STON2: variants seen among roughly 807,000 people sequenced by gnomAD.
The protein encoded by STON2 is stonin 2, also known as stonin-2.
Under a neutral mutation model 65.7 loss-of-function variants are expected in STON2, and 29 were observed. That is an observed-to-expected ratio of 0.44 (90% CI 0.33 to 0.60). The LOEUF is 0.60. Ranked by LOEUF, STON2 falls within the 20% of genes least tolerant of loss-of-function variation. The pLI, the probability that STON2 is intolerant of heterozygous loss-of-function variation, is 0.03. For synonymous variants in STON2, 404 were observed against 414.2 expected (o/e 0.98, Z 0.30); for missense variants, 1,054 against 1,118.1 (o/e 0.94, Z 0.82).
At chr14:81,316,804 A>ACGT (rs1595343171) in intron 5 of STON2, among the ~76,000 whole-genome samples, 1 of 152,282 alleles carries the variant, frequency 6.6e-6, no homozygotes, top group East Asian at 1.9e-4. Flanking sequence ...GTGGATCACG[A>ACGT]GGTCAAGAGA....
upstream of STON2, among the ~76,000 whole-genome samples, chr14:81,404,292 G>T (rs1900743894): frequency 6.6e-6 from 1 of 152,122 alleles, no homozygotes; most frequent in Non-Finnish European, 1.5e-5. Flanking sequence ...TGAATGAGTT[G>T]TTCCTTAAGT....
chr14:81,382,951 T>C (rs187648895), intron 3 of STON2, among the ~76,000 whole-genome samples: 41 of 152,312 alleles, frequency 2.7e-4, no homozygotes, highest in Non-Finnish European at 5.3e-4. Flanking sequence ...AAATCTCCGA[T>C]AAGTTATTTT....
chr14:81,395,633 T>C, intron 3 of STON2: 2 of 447,752 alleles, frequency 4.5e-6, no homozygotes, highest in Non-Finnish European at 8.0e-6. Context: ...TATGCATTAT[T>C]TTAAAGACAA....
upstream of STON2, among the ~76,000 whole-genome samples, chr14:81,401,035 C>G (rs536056868): frequency 6.6e-6 from 1 of 152,192 alleles, no homozygotes; most frequent in Non-Finnish European, 1.5e-5. Flanking sequence ...TGTTAGCCAT[C>G]GCCAGCACTG....
chr14:81,378,201 T>C (rs1202770258), intron 3 of STON2, among the ~76,000 whole-genome samples: 1 of 151,946 alleles, frequency 6.6e-6, no homozygotes, highest in African/African-American at 2.4e-5. Flanking sequence ...TTTTTCTATA[T>C]ATTCTAGATA....
chr14:81,319,580 G>A (rs1896748797), intron 5 of STON2, among the ~76,000 whole-genome samples: 1 of 152,182 alleles, frequency 6.6e-6, no homozygotes, highest in South Asian at 2.1e-4. Context: ...AACCACCTGA[G>A]TGTTATTTGT....
At chr14:81,374,470 CAA>C (rs1420174809) in intron 3 of STON2, among the ~76,000 whole-genome samples, 1 of 152,004 alleles carries the variant, frequency 6.6e-6, no homozygotes, top group African/African-American at 2.4e-5. Flanking sequence ...CAAGAACCAG[CAA>C]AGTGTGTGGG....
intron 4 of STON2, among the ~76,000 whole-genome samples, chr14:81,353,040 T>C (rs949394647): frequency 1.3e-5 from 2 of 152,192 alleles, no homozygotes; most frequent in Admixed American, 6.5e-5. Context: ...AAAGAATGTA[T>C]AGGACAGTAA....
chr14:81,317,357 T>C (rs1428309246), intron 5 of STON2, among the ~76,000 whole-genome samples: 2 of 152,152 alleles, frequency 1.3e-5, no homozygotes, highest in Non-Finnish European at 2.9e-5. Context: ...AACATGAGAA[T>C]TGGAGGGGAC....
chr14:81,264,034 G>A lies in STON2; in HGVS notation c.*4380C>T. 2.0e-6 allele frequency: 2 copies of A among 985,434 alleles called. No homozygotes were observed. The highest frequency in any genetic ancestry group is 2.4e-6 in the Non-Finnish European group (2 of 829,942). 61.0% of individuals were successfully genotyped at this position (985,434 alleles called of 1,614,324 possible). A position where few individuals can be genotyped will look rare whatever the true frequency, so the allele number is the denominator to read the frequency against. ...AACAAAGACCTACTGCATGAAGACT[G>A]GTTGTGCACTCTATCAAATGCTTTC... On this transcript the variant is annotated 3_prime_UTR_variant, in exon 8 of 8. Transcript: ENST00000614646.
rs1895858499 is a variant in STON2, at chr14:81,298,624, G to A, written c.743-19885C>T. On this transcript the variant is annotated intron_variant, in intron 5 of 7. Transcript: ENST00000614646. Reference sequence around the variant, plus strand: ...AAGTTCCCAAGGAAGAGAAACTACAGAAAAGCATGTTGAACAGAACCATGC... The same window carrying A: ...AAGTTCCCAAGGAAGAGAAACTACAAAAAAGCATGTTGAACAGAACCATGC... 2.0e-5 allele frequency among the ~76,000 whole-genome samples: 3 copies of A among 152,176 alleles called. No homozygotes were observed. The South Asian group carries it at 6.2e-4, about 32-fold the overall frequency.
chr14:81,415,666 C>G (rs112215104), intron 2 of STON2, among the ~76,000 whole-genome samples: 1 of 61,942 alleles, frequency 1.6e-5, no homozygotes, highest in African/African-American at 1.0e-4. Flanking sequence ...GAGACTCCAT[C>G]GCAAAAAAAA....
chr14:81,326,903 T>A (rs1305492887), intron 4 of STON2, among the ~76,000 whole-genome samples: 1 of 152,206 alleles, frequency 6.6e-6, no homozygotes, highest in Non-Finnish European at 1.5e-5. Flanking sequence ...TTTGACCTAA[T>A]CCTCCTGCAC....
intron 2 of STON2, among the ~76,000 whole-genome samples, chr14:81,423,651 C>T (rs769638448): frequency 2.0e-5 from 3 of 152,160 alleles, no homozygotes; most frequent in East Asian, 1.9e-4. Flanking sequence ...ACAAAACAGA[C>T]GCATGGGCAT....
chr14:81,322,848 G>C (rs182602404), intron 5 of STON2, among the ~76,000 whole-genome samples: 76 of 152,296 alleles, frequency 5.0e-4, no homozygotes, highest in Non-Finnish European at 1.9e-4. Flanking sequence ...GTTAAGCATA[G>C]GCTGCTCCGT....
At chr14:81,297,470 TC>T (rs1895805900) in intron 5 of STON2, among the ~76,000 whole-genome samples, 1 of 152,192 alleles carries the variant, frequency 6.6e-6, no homozygotes, top group African/African-American at 2.4e-5. Flanking sequence ...GTTAGAACTG[TC>T]CAATCTTGAG....
intron 1 of STON2, among the ~76,000 whole-genome samples, chr14:81,431,435 C>A (rs533920141): frequency 3.8e-4 from 58 of 152,176 alleles, no homozygotes; most frequent in African/African-American, 1.2e-3. Context: ...GTCAGGAGTT[C>A]GAGACCAGCC....
At position 81,270,481 on chromosome 14, in the gene STON2, A is replaced by G. The variant is rs558048698; in HGVS notation, c.2784+189T>C. On this transcript the variant is annotated intron_variant, in intron 7 of 7. Transcript: ENST00000614646. The stretch of plus-strand genomic sequence containing the variant: ...TTTATTTTTTTCCAACCTTTCTCTC[A>G]TCCACTAGCCAGATTATGCATTTAA... 4 of 1,496,710 alleles carry G rather than the reference A, an allele frequency of 2.7e-6. No homozygotes were observed. The Admixed American group carries it at 9.3e-5, about 35-fold the overall frequency. The allele number at this position is 1,496,710 out of a possible 1,614,324, so 92.7% of individuals were successfully genotyped here. A position where few individuals can be genotyped will look rare whatever the true frequency, so the allele number is the denominator to read the frequency against.
intron 1 of STON2, among the ~76,000 whole-genome samples, chr14:81,433,450 C>T (rs966749345): frequency 6.6e-6 from 1 of 152,210 alleles, no homozygotes; most frequent in African/African-American, 2.4e-5. Context: ...GTCCCAATCC[C>T]CTGGCACCCG....
Sources: gnomAD v4.1 joint callset for allele counts (sites outside exome capture counted in the v4.1 genomes callset) on GRCh38, gnomAD v4.1.1 for gene constraint, MANE v1.5 for transcripts, NCBI Gene and HGNC (gene_info 2026-07-23, HGNC 2026-07-21) for gene names.